The following PTPRG variants were observed in gnomAD, a reference collection of about 807,000 sequenced individuals.
The protein encoded by PTPRG is receptor-type tyrosine-protein phosphatase gamma.
In PTPRG, 102 loss-of-function variants were observed where a neutral mutation model predicts 165.3. The observed-to-expected ratio is 0.62, with a 90% CI of 0.53 to 0.73. The LOEUF (loss-of-function observed/expected upper bound fraction) is 0.73. PTPRG is among the 30% of genes least tolerant of loss of function. PTPRG has a pLI of 0.00. For missense variants in PTPRG, 1,866 were observed against 1,861.4 expected, an observed-to-expected ratio of 1.00 and a Z score of -0.05; for synonymous variants, 675 against 669.5, an observed-to-expected ratio of 1.01 and a Z score of -0.13.
chr3:62,276,015 G>T (rs1177253256), intron 24 of PTPRG, 49 bp downstream of exon 24: 2 of 1,396,896 alleles, frequency 1.4e-6, no homozygotes, highest in African/African-American at 2.9e-5. Context: ...TGGATTGTAT[G>T]TTAGGTACAG....
At chr3:62,270,555 A>G (rs1702027034) in intron 20 of PTPRG, among the ~76,000 whole-genome samples, 1 of 152,168 alleles carries the variant, frequency 6.6e-6, no homozygotes, top group South Asian at 2.1e-4. Flanking sequence ...CAGAGGAAGA[A>G]GTCAAATAGG....
At chr3:61,607,904 G>A (rs1441127967) in intron 1 of PTPRG, among the ~76,000 whole-genome samples, 1 of 152,166 alleles carries the variant, frequency 6.6e-6, no homozygotes, top group Non-Finnish European at 1.5e-5. Flanking sequence ...GGTTGGGCTT[G>A]GGGTGAGGAT....
chr3:61,860,169 A>C (rs945422084), intron 2 of PTPRG, among the ~76,000 whole-genome samples: 26 of 152,196 alleles, frequency 1.7e-4, no homozygotes, highest in African/African-American at 6.3e-4. Context: ...AGTGAAAAGT[A>C]ATTCCTCAGG....
intron 2 of PTPRG, among the ~76,000 whole-genome samples, chr3:61,824,395 C>T (rs2036046325): frequency 6.6e-6 from 1 of 152,204 alleles, no homozygotes; most frequent in African/African-American, 2.4e-5. Context: ...TCTTCTACCA[C>T]CAGGTTACTC....
chr3:61,859,126 A>C (rs1196414552), intron 2 of PTPRG, among the ~76,000 whole-genome samples: 1 of 152,148 alleles, frequency 6.6e-6, no homozygotes, highest in Non-Finnish European at 1.5e-5. Context: ...TCTCAAAAGG[A>C]ATGATGTGTC....
intron 2 of PTPRG, among the ~76,000 whole-genome samples, chr3:61,940,885 C>T (rs188083547): frequency 5.3e-5 from 8 of 152,122 alleles, no homozygotes; most frequent in African/African-American, 7.2e-5. Flanking sequence ...AGGATGATCT[C>T]GATCTCCTGA....
At chr3:61,702,497 T>C (rs1443497406) in intron 1 of PTPRG, among the ~76,000 whole-genome samples, 5 of 152,240 alleles carry the variant, frequency 3.3e-5, no homozygotes, top group African/African-American at 1.2e-4. Context: ...TAAAAAAATT[T>C]AGTTTGAGTT....
intron 1 of PTPRG, among the ~76,000 whole-genome samples, chr3:61,679,781 A>G (rs1020539747): frequency 1.3e-5 from 2 of 152,146 alleles, no homozygotes; most frequent in Non-Finnish European, 2.9e-5. Context: ...CTCTGTCTCA[A>G]AAAACCAAAA....
chr3:62,102,970 C>G (rs905393004), intron 5 of PTPRG, among the ~76,000 whole-genome samples: 1 of 152,210 alleles, frequency 6.6e-6, no homozygotes, highest in African/African-American at 2.4e-5. Context: ...TTTTCCCCCA[C>G]TGGTACTAAA....
chr3:61,941,210 G>T (rs1209320752), intron 2 of PTPRG, among the ~76,000 whole-genome samples: 2 of 152,248 alleles, frequency 1.3e-5, no homozygotes, highest in Non-Finnish European at 2.9e-5. Context: ...CCATTGTCCT[G>T]CAGTCGTCCA....
chr3:61,697,387 C>T (rs1249455452), intron 1 of PTPRG, among the ~76,000 whole-genome samples: 1 of 152,186 alleles, frequency 6.6e-6, no homozygotes, highest in Non-Finnish European at 1.5e-5. Flanking sequence ...CTTCGTCCCC[C>T]AGGGTCTCTC....
chr3:62,180,355 C>T (rs1705598306), intron 8 of PTPRG, among the ~76,000 whole-genome samples: 1 of 152,116 alleles, frequency 6.6e-6, no homozygotes. Context: ...ATTGTCTCAG[C>T]AGTGGGAAGC....
chr3:61,718,178 TAAAAC>T (rs942783417), intron 1 of PTPRG, among the ~76,000 whole-genome samples: 11 of 67,944 alleles, frequency 1.6e-4, no homozygotes, highest in Admixed American at 3.6e-4. Flanking sequence ...AGACCCTGTC[TAAAAC>T]AAAACAAAAC....
At chr3:61,650,606 G>T (rs965672889) in intron 1 of PTPRG, among the ~76,000 whole-genome samples, 6 of 152,308 alleles carry the variant, frequency 3.9e-5, no homozygotes, top group South Asian at 2.1e-4. Flanking sequence ...TTGAGCCCAT[G>T]TGTTTCTAAC....
chr3:61,797,575 C>G (rs1173616030), intron 2 of PTPRG, among the ~76,000 whole-genome samples: 1 of 93,816 alleles, frequency 1.1e-5, no homozygotes, highest in Non-Finnish European at 2.3e-5. Context: ...AGTCATTTAT[C>G]TCCACACCCC....
rs1327407982 is a variant in PTPRG, at chr3:62,217,411, T to C, written c.2156-1440T>C. Among the ~76,000 whole-genome samples, 1 of 152,192 alleles carries C rather than the reference T, an allele frequency of 6.6e-6. No homozygotes were observed. Among genetic ancestry groups the C allele is most frequent in the Non-Finnish European group, 1.5e-5 (1 of 68,042 alleles). ...TCCAGTGAAACGCATCGTAACACAC[T>C]TCTTCCTGACTCGGGAGTCTTGCCT... On this transcript the variant is annotated intron_variant, in intron 12 of 29. Transcript: ENST00000474889. This position sits in a 1 kb window ranked among gnomAD's most constrained non-coding sequence, Gnocchi z 4.3.
chr3:61,936,615 G>C (rs560632384), intron 2 of PTPRG, among the ~76,000 whole-genome samples: 1 of 152,252 alleles, frequency 6.6e-6, no homozygotes, highest in East Asian at 1.9e-4. Context: ...TGTTGAGATG[G>C]GCTAATTTTC....
At position 62,052,538 on chromosome 3, in the gene PTPRG, T is replaced by A. The variant is rs76520610; in HGVS notation, c.520-25625T>A. Among the ~76,000 whole-genome samples the A allele has an allele frequency of 2.1e-3, 312 of 152,170 alleles. 1 individual carries two copies. Among genetic ancestry groups the A allele is most frequent in the Non-Finnish European group, 3.0e-3 (207 of 67,966 alleles). On this transcript the variant is annotated intron_variant, in intron 4 of 29. Transcript: ENST00000474889. ...CTGAGATTGCATCTCTACAAAAAAA[T>A]TTAAAATGTAACCAGGCATGGTGGC...
intron 28 of PTPRG, among the ~76,000 whole-genome samples, chr3:62,290,394 C>T (rs981434213): frequency 1.4e-4 from 21 of 151,958 alleles, no homozygotes; most frequent in Admixed American, 7.9e-4. Context: ...ACGATGGAGT[C>T]GGGTGGAAGG....
Sources: allele counts gnomAD v4.1 joint callset (sites outside exome capture counted in the v4.1 genomes callset), GRCh38; gene constraint gnomAD v4.1.1; non-coding constraint Gnocchi (gnomAD v3.1); transcripts MANE v1.5; gene names NCBI Gene and HGNC (gene_info 2026-07-23, HGNC 2026-07-21).